Variants in RANBP2 observed in about 807,000 individuals in gnomAD.
RANBP2 encodes the protein RAN binding protein 2, also known as E3 SUMO-protein ligase RanBP2.
A neutral mutation model predicts 303.6 loss-of-function variants in RANBP2; 57 were observed. The ratio of observed to expected loss-of-function variants is 0.19; its 90% CI spans 0.15 to 0.23. The LOEUF is 0.23. Ranked by LOEUF, RANBP2 falls within the 10% of genes least tolerant of loss-of-function variation. RANBP2 has a pLI of 1.00. For missense variants in RANBP2, 3,138 were observed against 3,780.8 expected (o/e 0.83, Z 4.46); for synonymous variants, 1,167 against 1,301.5 (o/e 0.90, Z 2.23).
the RANBP2 span, among the ~76,000 whole-genome samples, chr2:108,866,936 C>G: frequency 6.6e-6 from 1 of 150,816 alleles, no homozygotes; most frequent in Non-Finnish European, 1.5e-5. Flanking sequence ...ATTCCCTTTT[C>G]CTCCCCTGTA....
chr2:109,726,381 G>T, the RANBP2 span, among the ~76,000 whole-genome samples: 1 of 151,958 alleles, frequency 6.6e-6, no homozygotes, highest in African/African-American at 2.4e-5. Flanking sequence ...CTGCACTCCA[G>T]CCTGGTGACA....
At chr2:108,999,079 A>G in the RANBP2 span, among the ~76,000 whole-genome samples, 8 of 152,252 alleles carry the variant, frequency 5.3e-5, no homozygotes, top group Admixed American at 6.5e-5. Context: ...TATAGAGTTT[A>G]AAATTCTTAT....
At chr2:109,258,818 G>A in the RANBP2 span, among the ~76,000 whole-genome samples, 152 of 152,346 alleles carry the variant, frequency 1.0e-3, no homozygotes, top group African/African-American at 3.6e-3. Context: ...GTCAGAGCAG[G>A]ACCCATCCAG....
the RANBP2 span, among the ~76,000 whole-genome samples, chr2:109,377,703 T>C: frequency 6.6e-6 from 1 of 151,966 alleles, no homozygotes; most frequent in African/African-American, 2.4e-5. Context: ...CGTTTGAGAG[T>C]GCTTATCTTC....
chr2:109,580,076 G>A, the RANBP2 span, among the ~76,000 whole-genome samples: 2 of 151,800 alleles, frequency 1.3e-5, no homozygotes, highest in Non-Finnish European at 1.5e-5. Context: ...AGCCTAGATC[G>A]CACCACTGCA....
the RANBP2 span, among the ~76,000 whole-genome samples, chr2:109,536,057 G>T: frequency 1.1e-4 from 15 of 131,782 alleles, 1 homozygote; most frequent in South Asian, 3.5e-3. Context: ...GGGGGTGGGG[G>T]GGGGGTCTCT....
At chr2:108,976,120 A>C in the RANBP2 span, among the ~76,000 whole-genome samples, 1 of 152,076 alleles carries the variant, frequency 6.6e-6, no homozygotes, top group Non-Finnish European at 1.5e-5. Context: ...TTTTCTCCTA[A>C]CGTTCTTTTT....
chr2:109,202,226 A>G, the RANBP2 span, among the ~76,000 whole-genome samples: 1 of 152,142 alleles, frequency 6.6e-6, no homozygotes, highest in Non-Finnish European at 1.5e-5. Flanking sequence ...TGTGGACTGC[A>G]GAGTGAGGAT....
At chr2:108,799,551 A>T in the RANBP2 span, among the ~76,000 whole-genome samples, 1 of 152,120 alleles carries the variant, frequency 6.6e-6, no homozygotes, top group East Asian at 1.9e-4. Context: ...GCATCATTTT[A>T]TGATTTTTCT....
At chr2:109,519,547 A>G in the RANBP2 span, among the ~76,000 whole-genome samples, 1 of 152,220 alleles carries the variant, frequency 6.6e-6, no homozygotes, top group African/African-American at 2.4e-5. Context: ...CTGGGCACCA[A>G]CTGTGTCCCT....
chr2:109,168,571 TC>T, the RANBP2 span, among the ~76,000 whole-genome samples: 1 of 152,178 alleles, frequency 6.6e-6, no homozygotes, highest in Admixed American at 6.5e-5. Context: ...CTTCTAATCT[TC>T]GGACTGTAAT....
the RANBP2 span, among the ~76,000 whole-genome samples, chr2:109,448,740 A>T: frequency 6.6e-6 from 1 of 152,214 alleles, no homozygotes; most frequent in Non-Finnish European, 1.5e-5. Flanking sequence ...GTACATAACA[A>T]ATGTAATGCA....
chr2:109,585,809 CATAGT>C, the RANBP2 span: 3 of 1,611,246 alleles, frequency 1.9e-6, no homozygotes, highest in Non-Finnish European at 8.5e-7. Flanking sequence ...CATGGCCAGA[CATAGT>C]CAACGAACGA....
At chr2:109,256,403 C>A in the RANBP2 span, among the ~76,000 whole-genome samples, 2 of 152,156 alleles carry the variant, frequency 1.3e-5, no homozygotes, top group African/African-American at 2.4e-5. Flanking sequence ...GCGATGTCCT[C>A]CCCTGCAAGG....
the RANBP2 span, among the ~76,000 whole-genome samples, chr2:108,950,048 C>T: frequency 1.3e-5 from 2 of 152,292 alleles, no homozygotes; most frequent in South Asian, 4.2e-4. Context: ...GCGGCCTGGG[C>T]ATGGTGCCAT....
chr2:108,929,292 T>C, the RANBP2 span: 1 of 1,614,162 alleles, frequency 6.2e-7, no homozygotes, highest in East Asian at 2.2e-5. Context: ...TTGTGACGCC[T>C]GCATATCTGG....
the RANBP2 span, among the ~76,000 whole-genome samples, chr2:109,277,471 T>C: frequency 6.6e-6 from 1 of 152,250 alleles, no homozygotes; most frequent in Non-Finnish European, 1.5e-5. Context: ...AGAGTCCTAC[T>C]TCTGCTAGGA....
At chr2:109,766,628 G>T in the RANBP2 span, among the ~76,000 whole-genome samples, 1 of 149,934 alleles carries the variant, frequency 6.7e-6, no homozygotes, top group African/African-American at 2.5e-5. Context: ...GAATGTCCTT[G>T]TTAACCACAA....
the RANBP2 span, among the ~76,000 whole-genome samples, chr2:109,766,419 G>T: frequency 6.6e-6 from 1 of 150,512 alleles, no homozygotes; most frequent in African/African-American, 2.4e-5. Flanking sequence ...ACTCCAGCTG[G>T]GCTGGGGCCC....
Sources: allele counts gnomAD v4.1 joint callset (sites outside exome capture counted in the v4.1 genomes callset), GRCh38; gene constraint gnomAD v4.1.1; transcripts MANE v1.5; gene names NCBI Gene and HGNC (gene_info 2026-07-23, HGNC 2026-07-21).